Variants in RARB observed in about 807,000 individuals in gnomAD.
RARB encodes the protein HBV-activated protein.
A neutral mutation model predicts 51.9 loss-of-function variants in RARB; 17 were observed. That is an observed-to-expected ratio of 0.33 (90% CI 0.22 to 0.49). The LOEUF is 0.49. Among genes scored for constraint, RARB ranks in the 20% least tolerant of loss-of-function variants. The probability of loss-of-function intolerance (pLI) is 0.99; values close to 1 mark genes in which losing one functional copy is unlikely to be tolerated. For missense variants in RARB, 369 were observed against 550.8 expected (o/e 0.67, Z 3.30); for synonymous variants, 215 against 195.4 (o/e 1.10, Z -0.84).
intron 1 of RARB, among the ~76,000 whole-genome samples, chr3:24,854,070 C>T (rs1477191118): frequency 6.6e-6 from 1 of 152,092 alleles, no homozygotes; most frequent in East Asian, 1.9e-4. Context: ...GTTGTAGGGT[C>T]GTGTAGTTTC....
At chr3:25,411,455 G>A (rs1575381261) in intron 5 of RARB, among the ~76,000 whole-genome samples, 1 of 152,228 alleles carries the variant, frequency 6.6e-6, no homozygotes, top group African/African-American at 2.4e-5. Context: ...AAAATAGTAT[G>A]TGGGGGTATG....
chr3:25,118,953 G>A (rs1429913179), intron 3 of RARB, among the ~76,000 whole-genome samples: 2 of 152,112 alleles, frequency 1.3e-5, no homozygotes, highest in African/African-American at 2.4e-5. Flanking sequence ...TCAGTAAATA[G>A]AGTATCCAGA....
chr3:25,468,014 G>A (rs952703861), intron 2 of RARB, among the ~76,000 whole-genome samples: 7 of 152,222 alleles, frequency 4.6e-5, no homozygotes, highest in Middle Eastern at 3.4e-3. Context: ...GATGTGATGG[G>A]GGTCAGGTGG....
chr3:25,301,090 C>G (rs747579726), intron 5 of RARB, among the ~76,000 whole-genome samples: 38 of 152,176 alleles, frequency 2.5e-4, no homozygotes, highest in Non-Finnish European at 3.8e-4. Context: ...AGTTGAGAAA[C>G]ATTCGGATTT....
exon 5 of RARB, chr3:25,174,475 G>C (rs58927428): frequency 7.4e-7 from 1 of 1,352,038 alleles, no homozygotes; most frequent in East Asian, 4.5e-5. Flanking sequence ...CACCCTACCC[G>C]TTACTCTTTC....
intron 3 of RARB, among the ~76,000 whole-genome samples, chr3:25,511,309 T>A (rs1371730297): frequency 6.6e-6 from 1 of 152,058 alleles, no homozygotes; most frequent in Non-Finnish European, 1.5e-5. Flanking sequence ...ATTTTTTGTA[T>A]TTTTAGTAGG....
intron 5 of RARB, among the ~76,000 whole-genome samples, chr3:25,362,206 G>A (rs575065831): frequency 1.3e-5 from 2 of 152,304 alleles, no homozygotes; most frequent in Admixed American, 1.3e-4. Flanking sequence ...GGAATCTAGA[G>A]AGGCAGTCTG....
intron 3 of RARB, among the ~76,000 whole-genome samples, chr3:25,067,415 A>C (rs1414214438): frequency 6.6e-6 from 1 of 152,230 alleles, no homozygotes; most frequent in Admixed American, 6.5e-5. Flanking sequence ...CCATTGGTTC[A>C]GACATTGACA....
At chr3:25,406,737 A>ATCTC (rs1707419986) in intron 5 of RARB, among the ~76,000 whole-genome samples, 1 of 152,210 alleles carries the variant, frequency 6.6e-6, no homozygotes, top group Non-Finnish European at 1.5e-5. Context: ...ATGAAGGGAG[A>ATCTC]AAGGGCGTGT....
intron 5 of RARB, among the ~76,000 whole-genome samples, chr3:25,284,631 G>A (rs1381979063): frequency 1.3e-5 from 2 of 152,126 alleles, no homozygotes; most frequent in South Asian, 2.1e-4. Context: ...CAAGGTGAAA[G>A]GTAGGGAAAG....
chr3:25,403,838 G>GAAA, intron 5 of RARB, among the ~76,000 whole-genome samples: 1 of 68,300 alleles, frequency 1.5e-5, no homozygotes, highest in South Asian at 5.3e-4. Flanking sequence ...ATCTTCATTA[G>GAAA]AAAAAAAAAA....
intron 2 of RARB, among the ~76,000 whole-genome samples, chr3:25,484,514 G>A (rs1355816197): frequency 2.6e-5 from 4 of 151,796 alleles, no homozygotes; most frequent in Non-Finnish European, 5.9e-5. Flanking sequence ...AGGCTAAACC[G>A]GGTCTGCTGC....
At chr3:24,851,661 T>C (rs1048644799) in intron 1 of RARB, among the ~76,000 whole-genome samples, 4 of 152,200 alleles carry the variant, frequency 2.6e-5, no homozygotes, top group African/African-American at 9.6e-5. Flanking sequence ...ATTTACATCT[T>C]TTGATGGTAG....
chr3:25,594,515 T>C lies in RARB; in HGVS notation c.992-5T>C, dbSNP rs78814640. Reference sequence around the variant, plus strand: ...TTTGTTTAATACTTTATTCCTGGTATCCAGACCGCCAGGACCTTGAGGAAC... The same window carrying C: ...TTTGTTTAATACTTTATTCCTGGTACCCAGACCGCCAGGACCTTGAGGAAC... On this transcript the variant is annotated splice_region_variant and splice_polypyrimidine_tract_variant and intron_variant, in intron 6 of 7. Coordinates refer to ENST00000330688, the MANE Select transcript of RARB (RefSeq NM_000965.5). The C allele has an allele frequency of 6.3e-7, 1 of 1,598,700 alleles. No homozygotes were observed. Among genetic ancestry groups the C allele is most frequent in the Non-Finnish European group, 8.5e-7 (1 of 1,174,950 alleles).
At chr3:25,355,588 A>C (rs569207556) in intron 5 of RARB, among the ~76,000 whole-genome samples, 145 of 152,252 alleles carry the variant, frequency 9.5e-4, no homozygotes, top group African/African-American at 3.1e-3. Context: ...CTTTTAAAAA[A>C]AAATTGTCAT....
chr3:25,391,956 G>T (rs1706972772), intron 5 of RARB, among the ~76,000 whole-genome samples: 2 of 152,102 alleles, frequency 1.3e-5, no homozygotes, highest in South Asian at 4.1e-4. Flanking sequence ...TGGACATGAA[G>T]TCTTTGCCTA....
intron 5 of RARB, among the ~76,000 whole-genome samples, chr3:25,587,980 C>T (rs1701465867): frequency 8.3e-6 from 1 of 120,478 alleles, no homozygotes; most frequent in Non-Finnish European, 2.0e-5. Flanking sequence ...AATAAATATT[C>T]ATTAACCACC....
chr3:25,306,577 G>A (rs1281285354), intron 5 of RARB, among the ~76,000 whole-genome samples: 1 of 151,634 alleles, frequency 6.6e-6, no homozygotes, highest in South Asian at 2.1e-4. Context: ...GAGGAAAATT[G>A]CATTGGAATG....
In RARB at chr3:25,252,072, T is replaced by C. The variant is rs142900685; in HGVS notation, c.178+77497T>C. Among the ~76,000 whole-genome samples, 415 of 152,300 alleles carry C rather than the reference T, an allele frequency of 2.7e-3. 2 individuals carry two copies. The highest frequency in any genetic ancestry group is 9.6e-3 in the African/African-American group (400 of 41,572). ...AGGGGTCTAATCTTACTCTTTTACA[T>C]GTGAATACACAGTTGTCCCAGCACC... On this transcript the variant is annotated intron_variant, in intron 5 of 11. Transcript: ENST00000383772.
Sources: gnomAD v4.1 joint callset for allele counts (sites outside exome capture counted in the v4.1 genomes callset) on GRCh38, gnomAD v4.1.1 for gene constraint, MANE v1.5 for transcripts, NCBI Gene and HGNC (gene_info 2026-07-23, HGNC 2026-07-21) for gene names.